The following EML4 variants were observed in gnomAD, a reference collection of about 807,000 sequenced individuals.
EML4 encodes the protein echinoderm microtubule-associated protein-like 4.
Under a neutral mutation model 129.0 loss-of-function variants are expected in EML4, and 72 were observed. That is an observed-to-expected ratio of 0.56 (90% CI 0.46 to 0.68). The LOEUF (loss-of-function observed/expected upper bound fraction) is 0.68. EML4 is among the 30% of genes least tolerant of loss of function. EML4 has a pLI of 0.00. For missense variants in EML4, 1,363 were observed against 1,190.6 expected (o/e 1.14, Z -2.13); for synonymous variants, 532 against 405.0 (o/e 1.31, Z -3.77).
intron 1 of EML4, among the ~76,000 whole-genome samples, chr2:42,187,348 T>C (rs976416600): frequency 6.6e-6 from 1 of 152,106 alleles, no homozygotes; most frequent in African/African-American, 2.4e-5. Flanking sequence ...ACATCCAGCG[T>C]ATTTTGTCTT....
rs562971012 is a variant in EML4, at chr2:42,249,085, G to A, written c.208+3398G>A. On this transcript the variant is annotated intron_variant, in intron 2 of 22. Coordinates refer to ENST00000318522, the MANE Select transcript of EML4 (RefSeq NM_019063.5). ...TCTTCACTATTGACATTTGTGTACA[G>A]CCTAAAATAGATCATCTCAGTTTTG... Among the ~76,000 whole-genome samples, 238 of 152,214 alleles carry A rather than the reference G, an allele frequency of 1.6e-3. 1 individual carries two copies. The highest frequency in any genetic ancestry group is 5.5e-3 in the African/African-American group (230 of 41,536).
chr2:42,198,031 T>G (rs1228161406), intron 1 of EML4, among the ~76,000 whole-genome samples: 1 of 152,184 alleles, frequency 6.6e-6, no homozygotes, highest in Non-Finnish European at 1.5e-5. Flanking sequence ...TGTGCCCCAT[T>G]TGTAAAGTGG....
chr2:42,237,616 G>C (rs759655575), intron 1 of EML4, among the ~76,000 whole-genome samples: 3 of 152,102 alleles, frequency 2.0e-5, no homozygotes, highest in Non-Finnish European at 4.4e-5. Flanking sequence ...CCAAAAACCT[G>C]ACTACTGATA....
chr2:42,330,283 A>C lies in EML4; in HGVS notation c.*76A>C. 1 of 1,302,106 alleles carries C rather than the reference A, an allele frequency of 7.7e-7. No homozygotes were observed. Among genetic ancestry groups the C allele is most frequent in the South Asian group, 1.2e-5 (1 of 82,654 alleles). 80.7% of individuals were successfully genotyped at this position (1,302,106 alleles called of 1,614,324 possible). On this transcript the variant is annotated 3_prime_UTR_variant, in exon 23 of 23. Transcript: ENST00000318522. ...ATAAAGTTCAGGTAACAGGATGGGC[A>C]GTGATGGAGAATCACTGTTGATTGA...
chr2:42,286,342 T>C lies in EML4; in HGVS notation c.1085T>C (p.Phe362Ser), dbSNP rs946241080. 6 of 1,613,656 alleles carry C rather than the reference T, an allele frequency of 3.7e-6. No homozygotes were observed. Among genetic ancestry groups the C allele is most frequent in the Admixed American group, 1.7e-5 (1 of 60,008 alleles). ...STLQIIGLGT[F>S]ERGVGCLDFS... The stretch of plus-strand genomic sequence containing the variant: ...CTGCAGATTATTGGACTTGGCACTT[T>C]TGAGCGTGGAGTAGGATGCCTGGAT... Residue 362 changes from phenylalanine to serine, a missense_variant, in exon 10 of 23, where the codon TTT (phenylalanine) becomes TCT (serine). Physicochemically the swap from Phe to Ser is radical, Grantham distance 155. Coordinates refer to ENST00000318522, the MANE Select transcript of EML4 (RefSeq NM_019063.5).
At chr2:42,226,188 T>A (rs896292972) in intron 1 of EML4, among the ~76,000 whole-genome samples, 1 of 152,122 alleles carries the variant, frequency 6.6e-6, no homozygotes, top group Non-Finnish European at 1.5e-5. Context: ...ATCTATTAGA[T>A]CTTCCAGATA....
At chr2:42,327,594 A>G (rs897141308) in intron 21 of EML4, among the ~76,000 whole-genome samples, 2 of 152,188 alleles carry the variant, frequency 1.3e-5, no homozygotes, top group African/African-American at 4.8e-5. Flanking sequence ...AAAGATAACT[A>G]TGTGGGGCTT....
At chr2:42,196,998 G>C (rs1302940696) in intron 1 of EML4, among the ~76,000 whole-genome samples, 1 of 152,196 alleles carries the variant, frequency 6.6e-6, no homozygotes, top group Non-Finnish European at 1.5e-5. Context: ...AATAAATACA[G>C]TAGAAGAGCC....
intron 1 of EML4, among the ~76,000 whole-genome samples, chr2:42,226,285 A>G (rs1468668800): frequency 3.9e-5 from 6 of 152,142 alleles, no homozygotes; most frequent in African/African-American, 7.2e-5. Context: ...GATGTTGGCC[A>G]GAAGACACAA....
chr2:42,242,980 G>A (rs529846843), intron 1 of EML4, among the ~76,000 whole-genome samples: 3 of 152,048 alleles, frequency 2.0e-5, no homozygotes, highest in African/African-American at 4.8e-5. Context: ...TTCTCACTAC[G>A]TTGCCCAGGC....
rs780243101 is a variant in EML4, at chr2:42,259,722, C to CTTTTTTT, written c.339-1380_339-1374dup. The stretch of plus-strand genomic sequence containing the variant: ...TTTCTATGATTTTGTTTCTTTCTTT[C>CTTTTTTT]TTTTTTTTTTTTTTTTTTTTTTTTT... On this transcript the variant is annotated intron_variant, in intron 3 of 22. Transcript: ENST00000318522. Among the ~76,000 whole-genome samples, 198 of 98,324 alleles carry CTTTTTTT rather than the reference C, an allele frequency of 2.0e-3. 2 individuals are homozygous for CTTTTTTT. The highest frequency in any genetic ancestry group is 6.7e-3 in the African/African-American group (156 of 23,314). 64.5% of individuals were successfully genotyped at this position (98,324 alleles called of 152,430 possible).
At chr2:42,327,257 CTT>C (rs1669858860) in intron 21 of EML4, among the ~76,000 whole-genome samples, 1 of 152,174 alleles carries the variant, frequency 6.6e-6, no homozygotes, top group East Asian at 1.9e-4. Context: ...CTGATGGACA[CTT>C]GGGCTGTTTC....
intron 7 of EML4, 46 bp from the exon 8 acceptor site, chr2:42,282,777 C>T: frequency 2.6e-6 from 4 of 1,559,818 alleles, no homozygotes; most frequent in Non-Finnish European, 3.5e-6. Flanking sequence ...CTGTTAACAA[C>T]TTGAAAACTG....
At chr2:42,183,114 C>T (rs1273709721) in intron 1 of EML4, among the ~76,000 whole-genome samples, 1 of 152,106 alleles carries the variant, frequency 6.6e-6, no homozygotes, top group Non-Finnish European at 1.5e-5. Flanking sequence ...GAGATCGCAC[C>T]ACTGAGCTCC....
intron 2 of EML4, among the ~76,000 whole-genome samples, chr2:42,248,858 A>G (rs968600394): frequency 2.9e-4 from 44 of 152,194 alleles, no homozygotes; most frequent in Admixed American, 2.9e-3. Flanking sequence ...TAATTATTTC[A>G]TAGATGAGCA....
At chr2:42,305,987 T>C (rs967133203) in intron 17 of EML4, among the ~76,000 whole-genome samples, 4 of 152,240 alleles carry the variant, frequency 2.6e-5, no homozygotes, top group Admixed American at 2.6e-4. Flanking sequence ...CTGCAGAATC[T>C]TTCAGAATAA....
chr2:42,216,260 T>TTTG (rs1673182421), intron 1 of EML4, among the ~76,000 whole-genome samples: 8 of 97,154 alleles, frequency 8.2e-5, no homozygotes, highest in African/African-American at 3.3e-4. Flanking sequence ...TTTTTTTTTT[T>TTTG]GAGATGGTGT....
chr2:42,298,166 C>G (rs1668063049), intron 13 of EML4, among the ~76,000 whole-genome samples: 1 of 152,204 alleles, frequency 6.6e-6, no homozygotes, highest in Non-Finnish European at 1.5e-5. Flanking sequence ...TATGTGTTCT[C>G]CGAATAATCA....
At position 42,331,068 on chromosome 2, in the gene EML4, T is replaced by C. The variant is rs777790842; in HGVS notation, c.*861T>C. On this transcript the variant is annotated 3_prime_UTR_variant, in exon 23 of 23. Transcript: ENST00000318522. Reference sequence around the variant, plus strand: ...GCCTTTAAAACTAAACTGTAATAATTACCTGGCTAATTTCAGCTAAGCCTT... The same window carrying C: ...GCCTTTAAAACTAAACTGTAATAATCACCTGGCTAATTTCAGCTAAGCCTT... 3.7e-5 allele frequency: 8 copies of C among 216,776 alleles called. No homozygotes were observed. The highest frequency in any genetic ancestry group is 5.6e-5 in the Non-Finnish European group (6 of 107,578). The allele number at this position is 216,776 out of a possible 1,614,324, so 13.4% of individuals were successfully genotyped here.
Sources: allele counts gnomAD v4.1 joint callset (sites outside exome capture counted in the v4.1 genomes callset), GRCh38; gene constraint gnomAD v4.1.1; transcripts MANE v1.5; gene names NCBI Gene and HGNC (gene_info 2026-07-23, HGNC 2026-07-21).